Variants in PIK3R1 observed in about 807,000 individuals in gnomAD.
The protein encoded by PIK3R1 is phosphoinositide-3-kinase regulatory subunit 1.
Under a neutral mutation model 98.0 loss-of-function variants are expected in PIK3R1, and 29 were observed. The observed-to-expected ratio is 0.30, with a 90% CI of 0.22 to 0.40. PIK3R1 has a LOEUF of 0.40. Among genes scored for constraint, PIK3R1 ranks in the 10% least tolerant of loss-of-function variants. PIK3R1 has a pLI of 1.00. For synonymous variants in PIK3R1, 282 were observed against 311.8 expected (o/e 0.90, Z 1.01); for missense variants, 596 against 872.7 (o/e 0.68, Z 3.99).
chr5:68,241,222 A>G (rs1308026267), intron 2 of PIK3R1, among the ~76,000 whole-genome samples: 1 of 152,156 alleles, frequency 6.6e-6, no homozygotes, highest in East Asian at 1.9e-4. Context: ...ATGAGAGGAA[A>G]AAAAATCTTT....
intron 7 of PIK3R1, chr5:68,291,486 GT>G (rs1333934051): frequency 1.3e-5 from 2 of 150,476 alleles, no homozygotes; most frequent in Non-Finnish European, 3.0e-5. Context: ...TAAGTAAGTT[GT>G]TTTATTCCAA....
intron 3 of PIK3R1, 164 bp from the exon 4 acceptor site, chr5:68,273,775 A>G: frequency 1.5e-6 from 1 of 664,700 alleles, no homozygotes. Context: ...AAAATTATCA[A>G]CATGCCAGGT....
chr5:68,295,573 G>A (rs1432721503), intron 14 of PIK3R1, 85 bp downstream of exon 14: 5 of 1,150,790 alleles, frequency 4.3e-6, no homozygotes, highest in Non-Finnish European at 6.5e-6. Flanking sequence ...TAGAACAAGT[G>A]AGGAATTTTA....
At chr5:68,226,196 G>A (rs1159249130) in intron 1 of PIK3R1, 94 bp from the exon 2 acceptor site, 5 of 374,704 alleles carry the variant, frequency 1.3e-5, no homozygotes, top group Non-Finnish European at 1.4e-5. Flanking sequence ...CTGCCAAATC[G>A]ATTAAGTACT....
intron 2 of PIK3R1, among the ~76,000 whole-genome samples, chr5:68,233,917 TTTG>T (rs1744572776): frequency 1.3e-5 from 2 of 152,240 alleles, no homozygotes; most frequent in African/African-American, 4.8e-5. Flanking sequence ...TGTATTTGTA[TTTG>T]TCTGTCTATC....
chr5:68,243,334 CTT>C (rs1744941263), intron 2 of PIK3R1, among the ~76,000 whole-genome samples: 1 of 152,128 alleles, frequency 6.6e-6, no homozygotes, highest in Non-Finnish European at 1.5e-5. Context: ...ACACATAAAA[CTT>C]TGAAAAGTTT....
chr5:68,272,179 G>A (rs1724090881), intron 2 of PIK3R1, among the ~76,000 whole-genome samples: 1 of 151,030 alleles, frequency 6.6e-6, no homozygotes, highest in Admixed American at 6.6e-5. Context: ...CATGAACTCA[G>A]GAAGTTGAGG....
At chr5:68,254,435 T>C (rs1745434962) in intron 2 of PIK3R1, among the ~76,000 whole-genome samples, 1 of 152,228 alleles carries the variant, frequency 6.6e-6, no homozygotes. Flanking sequence ...CCCAAAGGAA[T>C]GAATGATCCA....
At position 68,301,390 on chromosome 5, in the gene PIK3R1, G is replaced by GTATA. The variant is rs1748057137; in HGVS notation, c.*3790_*3791insATAT. On this transcript the variant is annotated 3_prime_UTR_variant, in exon 16 of 16. Transcript: ENST00000521381. Reference sequence around the variant, plus strand: ...TATGTGTGTGTGTGTGTGTGTGTGTGTGTATATATATATATATATATATAT... The same window carrying GTATA: ...TATGTGTGTGTGTGTGTGTGTGTGTGTATATGTATATATATATATATATATATAT... The GTATA allele has an allele frequency of 8.4e-5, 3 of 35,560 alleles. No homozygotes were observed. The highest frequency in any genetic ancestry group is 3.2e-4 in the African/African-American group (3 of 9,374). The allele number at this position is 35,560 out of a possible 1,614,324, so 2.2% of individuals were successfully genotyped here.
At chr5:68,282,152 G>T (rs192318492) in intron 7 of PIK3R1, among the ~76,000 whole-genome samples, 138 of 152,268 alleles carry the variant, frequency 9.1e-4, no homozygotes, top group South Asian at 5.4e-3. Flanking sequence ...TAACAGGGGT[G>T]CCCAGAATTC....
intron 2 of PIK3R1, among the ~76,000 whole-genome samples, chr5:68,234,189 T>G (rs1744583647): frequency 6.6e-6 from 1 of 152,260 alleles, no homozygotes; most frequent in East Asian, 1.9e-4. Flanking sequence ...TGTTCTCTAA[T>G]TGTAAGATGA....
chr5:68,296,360 C>T lies in PIK3R1; in HGVS notation c.1985+19C>T, dbSNP rs1438728156. 1 of 1,584,424 alleles carries T rather than the reference C, an allele frequency of 6.3e-7. No individual in the cohort carries two copies. Among genetic ancestry groups the T allele is most frequent in the Non-Finnish European group, 8.6e-7 (1 of 1,162,052 alleles). The stretch of plus-strand genomic sequence containing the variant: ...CTGTAGTGTATGTATCTCCAGCAAA[C>T]TTTTCTTTACAACATCTCATGAAGA... On this transcript the variant is annotated intron_variant, in intron 15 of 15. Transcript: ENST00000521381.
intron 2 of PIK3R1, among the ~76,000 whole-genome samples, chr5:68,243,543 T>C (rs535121507): frequency 6.2e-4 from 94 of 152,248 alleles, no homozygotes; most frequent in Non-Finnish European, 1.2e-3. Context: ...AAATTTGTGC[T>C]AATAGTTGCA....
intron 1 of PIK3R1, among the ~76,000 whole-genome samples, chr5:68,225,692 G>A (rs1744246750): frequency 6.6e-6 from 1 of 152,082 alleles, no homozygotes; most frequent in African/African-American, 2.4e-5. Context: ...CTCTGATCCC[G>A]TTGCTCACTT....
chr5:68,226,681 T>C lies in PIK3R1; in HGVS notation c.6T>C (p.Ser2=). M[S]AEGYQYRALY... ...ATGGTAGCAGATTTGCAAACATGAG[T>C]GCTGAGGGGTACCAGTACAGAGCGC... is the stretch of plus-strand genomic sequence containing the variant. Residue 2 remains serine, a synonymous_variant, in exon 2 of 16, where the codon AGT becomes AGC. Transcript: ENST00000521381. 1 of 1,612,114 alleles carries C rather than the reference T, an allele frequency of 6.2e-7. No homozygotes were observed.
chr5:68,225,743 TACTC>T (rs1744248061), intron 1 of PIK3R1, among the ~76,000 whole-genome samples: 1 of 152,202 alleles, frequency 6.6e-6, no homozygotes, highest in Non-Finnish European at 1.5e-5. Context: ...TGGGCTGAAT[TACTC>T]ACAAACTCAG....
chr5:68,272,127 A>G (rs1746386384), intron 2 of PIK3R1, among the ~76,000 whole-genome samples: 1 of 151,622 alleles, frequency 6.6e-6, no homozygotes. Flanking sequence ...GATGCTGTGC[A>G]CTGTAGTCGC....
intron 2 of PIK3R1, among the ~76,000 whole-genome samples, chr5:68,237,402 TTC>T (rs1744703080): frequency 6.6e-6 from 1 of 152,212 alleles, no homozygotes; most frequent in Non-Finnish European, 1.5e-5. Context: ...ACATTTGTGT[TTC>T]TGTTACCTGA....
At chr5:68,264,719 G>A (rs1746050111) in intron 2 of PIK3R1, among the ~76,000 whole-genome samples, 1 of 152,190 alleles carries the variant, frequency 6.6e-6, no homozygotes, top group South Asian at 2.1e-4. Flanking sequence ...TGGCGAGGTA[G>A]GAAAGGCTCT....
Sources: allele counts gnomAD v4.1 joint callset (sites outside exome capture counted in the v4.1 genomes callset), GRCh38; gene constraint gnomAD v4.1.1; transcripts MANE v1.5; gene names NCBI Gene and HGNC (gene_info 2026-07-23, HGNC 2026-07-21).